Variants in SHF observed in about 807,000 individuals in gnomAD.
SHF encodes Src homology 2 domain containing F.
SHF carries 30 observed loss-of-function variants against 42.4 expected under a neutral mutation model. The observed-to-expected ratio is 0.71, with a 90% CI of 0.53 to 0.96. SHF has a LOEUF of 0.96. Ranked by LOEUF, SHF falls within the 40% of genes least tolerant of loss-of-function variation. The pLI is 0.00. For missense variants in SHF, 598 were observed against 634.0 expected (o/e 0.94, Z 0.61); for synonymous variants, 264 against 269.9 (o/e 0.98, Z 0.21).
At position 45,167,561 on chromosome 15, in the gene SHF, A is replaced by G. The variant is rs977397624; in HGVS notation, c.*386T>C. On this transcript the variant is annotated 3_prime_UTR_variant, in exon 7 of 7. Coordinates refer to ENST00000690270, the MANE Select transcript of SHF (RefSeq NM_001394037.1). Reference sequence around the variant, plus strand: ...AGGCAGAGAGGTGGTAAGGCGCCCCAAGGGGCCGAATTCTGCACTACCTCG... The same window carrying G: ...AGGCAGAGAGGTGGTAAGGCGCCCCGAGGGGCCGAATTCTGCACTACCTCG... The G allele has an allele frequency of 1.2e-5, 2 of 160,210 alleles. No homozygotes were observed. The highest frequency in any genetic ancestry group is 1.4e-5 in the Non-Finnish European group (1 of 73,906). 9.9% of individuals were successfully genotyped at this position (160,210 alleles called of 1,614,324 possible).
At chr15:45,201,079 G>C in exon 1 of SHF, 2 of 344,200 alleles carry the variant, frequency 5.8e-6, no homozygotes, top group Non-Finnish European at 1.2e-5. Flanking sequence ...GCTTAGGAAA[G>C]CTGGAATGGC....
In SHF at chr15:45,187,505, CGGGGGCCCCG is replaced by C; in HGVS notation, c.437_446del (p.Pro146ArgfsTer19). 8.1e-7 allele frequency: 1 copy of C among 1,232,296 alleles called. No individual in the cohort carries two copies. 76.3% of individuals were successfully genotyped at this position (1,232,296 alleles called of 1,614,324 possible). ...AGATCCGCTCATCAGCAGGCGGCGC[CGGGGGCCCCG>C]GGGTCTCGACCCGAATAAGGCGGTG... is the stretch of plus-strand genomic sequence containing the variant. On this transcript the variant is annotated frameshift_variant, in exon 1 of 7. Transcript: ENST00000690270. LOFTEE classifies it high-confidence loss of function.
intron 2 of SHF, among the ~76,000 whole-genome samples, chr15:45,198,179 C>T (rs1898928669): frequency 6.6e-6 from 1 of 152,140 alleles, no homozygotes; most frequent in South Asian, 2.1e-4. Context: ...TTGGCTGAGG[C>T]AGGATAATCG....
At chr15:45,187,041 G>T (rs1898448961) in intron 1 of SHF, among the ~76,000 whole-genome samples, 1 of 152,230 alleles carries the variant, frequency 6.6e-6, no homozygotes, top group Non-Finnish European at 1.5e-5. Context: ...TATGCCCAGG[G>T]GGAAGGGTCA....
intron 1 of SHF, among the ~76,000 whole-genome samples, chr15:45,184,394 C>T (rs1054089866): frequency 1.3e-5 from 2 of 152,172 alleles, no homozygotes; most frequent in Non-Finnish European, 2.9e-5. Context: ...GCCTGTGAAA[C>T]CCTACGAGAA....
chr15:45,176,218 C>CACG, intron 2 of SHF, among the ~76,000 whole-genome samples: 1 of 152,156 alleles, frequency 6.6e-6, no homozygotes, highest in South Asian at 2.1e-4. Context: ...AAGTTACGTT[C>CACG]ATCATCATAA....
chr15:45,173,052 C>T (rs1897595399), intron 4 of SHF, among the ~76,000 whole-genome samples: 1 of 152,244 alleles, frequency 6.6e-6, no homozygotes, highest in African/African-American at 2.4e-5. Flanking sequence ...CACAAATGTA[C>T]GAACAGATGC....
chr15:45,171,930 C>T lies in SHF; in HGVS notation c.1233G>A (p.Leu411=). ...LLRLCKEASY[L]VRNSETSKND... is the part of the protein sequence containing the mutation. ...TCTTGCTGGTCTCACTGTTGCGCAC[C>T]AGGTAGCTGGCCTCTTTGCACAGCC... Residue 411 remains leucine, a synonymous_variant, in exon 6 of 7, where the codon CTG becomes CTA. Coordinates refer to ENST00000690270, the MANE Select transcript of SHF (RefSeq NM_001394037.1). 1 of 1,613,844 alleles carries T rather than the reference C, an allele frequency of 6.2e-7. No individual in the cohort carries two copies. The highest frequency in any genetic ancestry group is 8.5e-7 in the Non-Finnish European group (1 of 1,179,872).
upstream of SHF, among the ~76,000 whole-genome samples, chr15:45,192,151 C>T (rs1898724438): frequency 6.6e-6 from 1 of 151,926 alleles, no homozygotes; most frequent in African/African-American, 2.4e-5. Flanking sequence ...ATCATTATCA[C>T]ATTTAGGAAA....
At chr15:45,174,020 G>A (rs1351234335) in intron 3 of SHF, among the ~76,000 whole-genome samples, 1 of 152,108 alleles carries the variant, frequency 6.6e-6, no homozygotes. Flanking sequence ...AGCCTCCAGG[G>A]CCCAAAGGTA....
intron 1 of SHF, chr15:45,200,015 C>T (rs1321059461): frequency 6.7e-6 from 1 of 149,248 alleles, no homozygotes; most frequent in Non-Finnish European, 1.5e-5. Flanking sequence ...TTTCAAGACT[C>T]CCTTCAAGCC....
At chr15:45,195,084 G>A (rs376722159) in intron 2 of SHF, among the ~76,000 whole-genome samples, 2 of 151,496 alleles carry the variant, frequency 1.3e-5, no homozygotes, top group Admixed American at 6.6e-5. Context: ...CTCCTGCCTC[G>A]GCCTCCCAAA....
chr15:45,184,230 T>A (rs1807026), intron 1 of SHF, among the ~76,000 whole-genome samples: 4,223 of 152,220 alleles, frequency 0.028, 217 homozygotes, highest in African/African-American at 0.099. Flanking sequence ...GCAGGAATAT[T>A]TTGTTCAACT....
Position 45,171,960 on chromosome 15 carries a change from C to A in SHF, c.1203G>T (p.Leu401=), listed in dbSNP as rs1404165133. The A allele has an allele frequency of 6.2e-7, 1 of 1,613,960 alleles. No individual in the cohort carries two copies. The highest frequency in any genetic ancestry group is 8.5e-7 in the Non-Finnish European group (1 of 1,179,884). ...GAISRTDAEN[L]LRLCKEASYL... Reference sequence around the variant, plus strand: ...AGCTGGCCTCTTTGCACAGCCGGAGCAGGTTCTCGGCGTCGGTTCGGCTGA... The same window carrying A: ...AGCTGGCCTCTTTGCACAGCCGGAGAAGGTTCTCGGCGTCGGTTCGGCTGA... The change falls in exon 6 of 7, where the codon CTG becomes CTT. Residue 401 remains leucine, a synonymous_variant. Coordinates refer to ENST00000690270, the MANE Select transcript of SHF (RefSeq NM_001394037.1).
intron 1 of SHF, chr15:45,181,148 G>C (rs1442472812): frequency 6.6e-6 from 1 of 152,382 alleles, no homozygotes; most frequent in Non-Finnish European, 1.5e-5. Context: ...CCCCTCCGAG[G>C]CTGGCGTGGG....
intron 1 of SHF, among the ~76,000 whole-genome samples, chr15:45,183,631 G>T (rs1201259757): frequency 1.3e-5 from 2 of 152,350 alleles, no homozygotes; most frequent in East Asian, 3.9e-4. Flanking sequence ...CTGGGCCCCA[G>T]CCAGGGCTTG....
Position 45,171,992 on chromosome 15 carries a change from C to T in SHF, c.1171G>A (p.Gly391Arg), listed in dbSNP as rs1897515640. The change falls in exon 6 of 7, where the codon GGG becomes AGG. Residue 391 changes from glycine (G) to arginine (R), a missense_variant. Physicochemically the swap from Gly to Arg is moderately radical, Grantham distance 125. Around this residue, in one of 2 missense-constraint regions of SHF, gnomAD observed 439 missense variants for 524.6 expected, o/e 0.84. Coordinates refer to ENST00000690270, the MANE Select transcript of SHF (RefSeq NM_001394037.1). ...LPLENQVWYH[G>R]AISRTDAENL... is the part of the protein sequence containing the mutation. ...TCGGCGTCGGTTCGGCTGATGGCCC[C>T]GTGATACCAGCTAAGGATGAGAGAG... is the stretch of plus-strand genomic sequence containing the variant. 3 of 1,613,812 alleles carry T rather than the reference C, an allele frequency of 1.9e-6. No homozygotes were observed. The highest frequency in any genetic ancestry group is 1.3e-5 in the African/African-American group (1 of 74,902).
chr15:45,192,959 T>G (rs1898751830), upstream of SHF, among the ~76,000 whole-genome samples: 1 of 152,238 alleles, frequency 6.6e-6, no homozygotes, highest in Admixed American at 6.5e-5. Flanking sequence ...TGCCCATTTG[T>G]CCCTTTATTG....
intron 6 of SHF, among the ~76,000 whole-genome samples, chr15:45,169,950 G>A (rs537397366): frequency 7.2e-4 from 109 of 152,366 alleles, no homozygotes; most frequent in African/African-American, 2.6e-3. Context: ...TGAGAGAAGA[G>A]AAACCATAAT....
Sources: gnomAD v4.1 joint callset for allele counts (sites outside exome capture counted in the v4.1 genomes callset) on GRCh38, gnomAD v4.1.1 for gene constraint, gnomAD v4.1.1 regional missense constraint, MANE v1.5 for transcripts, NCBI Gene and HGNC (gene_info 2026-07-23, HGNC 2026-07-21) for gene names.